OPCML: variants seen among roughly 807,000 people sequenced by gnomAD.
The protein encoded by OPCML is opioid binding protein/cell adhesion molecule like.
A neutral mutation model predicts 37.8 loss-of-function variants in OPCML; 13 were observed. The ratio of observed to expected loss-of-function variants is 0.34; its 90% CI spans 0.22 to 0.55. The LOEUF (loss-of-function observed/expected upper bound fraction) is 0.55. OPCML is among the 20% of genes least tolerant of loss of function. OPCML has a pLI of 0.91. For synonymous variants in OPCML, 176 were observed against 168.8 expected, an observed-to-expected ratio of 1.04 and a Z score of -0.33; for missense variants, 341 against 435.6, an observed-to-expected ratio of 0.78 and a Z score of 1.93.
At chr11:132,631,638 TA>T (rs1224395582) in intron 3 of OPCML, among the ~76,000 whole-genome samples, 3 of 151,072 alleles carry the variant, frequency 2.0e-5, no homozygotes, top group African/African-American at 7.3e-5. Context: ...TTTTTTTTTT[TA>T]TTTTTAGTAG....
chr11:133,305,223 T>C (rs1157948888), intron 1 of OPCML, among the ~76,000 whole-genome samples: 1 of 152,204 alleles, frequency 6.6e-6, no homozygotes, highest in East Asian at 1.9e-4. Flanking sequence ...GTGACTGTCT[T>C]AGAGGGATGT....
At chr11:132,469,414 CGTGTGTAT>C (rs944228776) in intron 4 of OPCML, among the ~76,000 whole-genome samples, 4 of 143,624 alleles carry the variant, frequency 2.8e-5, no homozygotes, top group African/African-American at 5.2e-5. Flanking sequence ...TGTGGGGGTG[CGTGTGTAT>C]GTGTGTATGT....
intron 2 of OPCML, among the ~76,000 whole-genome samples, chr11:132,893,355 G>A (rs1943724043): frequency 6.6e-6 from 1 of 152,252 alleles, no homozygotes; most frequent in Non-Finnish European, 1.5e-5. Context: ...CCATGGCTGT[G>A]AGAAGTGCAG....
chr11:133,327,201 GA>G (rs1348129407), intron 1 of OPCML, among the ~76,000 whole-genome samples: 2 of 150,912 alleles, frequency 1.3e-5, no homozygotes, highest in African/African-American at 2.4e-5. Context: ...GTGTGTGTAT[GA>G]GGGGGTATGT....
chr11:132,673,985 T>C lies in OPCML; in HGVS notation c.147-16666A>G, dbSNP rs558359722. ...CTGTACTACCCTGGTTCTACCTTTT[T>C]CCAATTGACCAGTACTATGAAAATG... On this transcript the variant is annotated intron_variant, in intron 2 of 7. Coordinates refer to ENST00000524381, the MANE Select transcript of OPCML (RefSeq NM_001012393.5). Among the ~76,000 whole-genome samples the C allele has an allele frequency of 5.1e-4, 77 of 152,266 alleles. No individual in the cohort carries two copies. The South Asian group carries it at 0.016, about 32-fold the overall frequency.
chr11:132,987,993 G>A (rs1361603421), intron 1 of OPCML, among the ~76,000 whole-genome samples: 2 of 152,232 alleles, frequency 1.3e-5, no homozygotes, highest in African/African-American at 4.8e-5. Context: ...AAATTACCAT[G>A]TAAACAAGAA....
chr11:132,986,809 T>C (rs1946689258), intron 1 of OPCML, among the ~76,000 whole-genome samples: 1 of 152,146 alleles, frequency 6.6e-6, no homozygotes, highest in Admixed American at 6.5e-5. Context: ...TAAACTAAAA[T>C]AGGAAGTTCC....
At chr11:133,124,964 G>A (rs1162415443) in intron 1 of OPCML, among the ~76,000 whole-genome samples, 1 of 152,010 alleles carries the variant, frequency 6.6e-6, no homozygotes, top group Non-Finnish European at 1.5e-5. Flanking sequence ...GGACATATTG[G>A]GCAGTTGTCT....
chr11:133,337,906 C>A (rs1314932675), intron 1 of OPCML, among the ~76,000 whole-genome samples: 1 of 151,978 alleles, frequency 6.6e-6, no homozygotes, highest in Non-Finnish European at 1.5e-5. Context: ...TGATCCCCAC[C>A]ACTCATTTCC....
intron 1 of OPCML, among the ~76,000 whole-genome samples, chr11:133,395,983 A>G (rs1945277344): frequency 6.6e-6 from 1 of 152,200 alleles, no homozygotes; most frequent in Admixed American, 6.5e-5. Context: ...TAGTAAGGAC[A>G]TTTTAACAAT....
At chr11:133,156,524 C>T (rs1950065108) in intron 1 of OPCML, among the ~76,000 whole-genome samples, 1 of 152,208 alleles carries the variant, frequency 6.6e-6, no homozygotes. Context: ...CTCATCAGGC[C>T]TCTAGGCTGA....
chr11:133,124,173 GAA>G (rs11365049), intron 1 of OPCML, among the ~76,000 whole-genome samples: 64 of 149,878 alleles, frequency 4.3e-4, no homozygotes, highest in African/African-American at 1.4e-3. Flanking sequence ...AGGAAATTTA[GAA>G]AAAAAAAAAG....
At chr11:132,868,623 C>A (rs938627040) in intron 2 of OPCML, among the ~76,000 whole-genome samples, 1 of 152,052 alleles carries the variant, frequency 6.6e-6, no homozygotes, top group African/African-American at 2.4e-5. Flanking sequence ...CACAGTTGCA[C>A]CAAATTTCTT....
intron 1 of OPCML, among the ~76,000 whole-genome samples, chr11:133,322,474 C>G (rs1943355771): frequency 6.6e-6 from 1 of 152,194 alleles, no homozygotes; most frequent in African/African-American, 2.4e-5. Context: ...GTCCCACCAT[C>G]CAAATAAGTT....
chr11:132,547,109 G>A (rs2096370445), intron 3 of OPCML, among the ~76,000 whole-genome samples: 1 of 152,166 alleles, frequency 6.6e-6, no homozygotes, highest in South Asian at 2.1e-4. Flanking sequence ...GACACAGCAA[G>A]ATGACAAGGG....
intron 1 of OPCML, among the ~76,000 whole-genome samples, chr11:133,063,261 T>C (rs1326299295): frequency 1.3e-5 from 2 of 152,174 alleles, no homozygotes; most frequent in South Asian, 2.1e-4. Context: ...ACCAGAGGGC[T>C]GGTCCCCTGG....
chr11:133,344,384 G>T (rs4245114), intron 1 of OPCML, among the ~76,000 whole-genome samples: 152,288 of 152,290 alleles, frequency 1, 76,143 homozygotes, highest in Middle Eastern at 1. Flanking sequence ...CCTACTCTTG[G>T]CTACCTAATG....
chr11:132,475,452 G>T (rs1239864418), intron 4 of OPCML, among the ~76,000 whole-genome samples: 1 of 152,166 alleles, frequency 6.6e-6, no homozygotes, highest in Non-Finnish European at 1.5e-5. Context: ...TGGAGACAGG[G>T]TCTTTAAGGG....
At chr11:133,062,850 C>T (rs1247404042) in intron 1 of OPCML, among the ~76,000 whole-genome samples, 1 of 152,228 alleles carries the variant, frequency 6.6e-6, no homozygotes, top group Admixed American at 6.5e-5. Flanking sequence ...CTGTACTCCA[C>T]AGCAGCCTCC....
Sources: gnomAD v4.1 joint callset for allele counts (sites outside exome capture counted in the v4.1 genomes callset) on GRCh38, gnomAD v4.1.1 for gene constraint, MANE v1.5 for transcripts, NCBI Gene and HGNC (gene_info 2026-07-23, HGNC 2026-07-21) for gene names.